CAMTA1: variants seen among roughly 807,000 people sequenced by gnomAD.
The protein encoded by CAMTA1 is calmodulin-binding transcription activator 1.
In CAMTA1, 27 loss-of-function variants were observed where a neutral mutation model predicts 170.9. The observed-to-expected ratio is 0.16, with a 90% confidence interval of 0.12 to 0.22. The LOEUF is 0.22. Ranked by LOEUF, CAMTA1 falls within the 10% of genes least tolerant of loss-of-function variation. CAMTA1 has a pLI of 1.00. For synonymous variants in CAMTA1, 833 were observed against 891.5 expected (o/e 0.93, Z 1.17); for missense variants, 1,619 against 2,217.2 (o/e 0.73, Z 5.42).
intron 3 of CAMTA1, among the ~76,000 whole-genome samples, chr1:6,886,071 G>A (rs1006398088): frequency 2.0e-5 from 3 of 152,188 alleles, no homozygotes; most frequent in Non-Finnish European, 4.4e-5. Context: ...TTGGGCAAGG[G>A]TGCTGGTCCT....
chr1:7,038,808 G>A (rs1162677283), intron 3 of CAMTA1, among the ~76,000 whole-genome samples: 2 of 152,228 alleles, frequency 1.3e-5, no homozygotes, highest in Non-Finnish European at 2.9e-5. Context: ...GGGAGGCCGA[G>A]GTGGGCAGAT....
In CAMTA1 at chr1:7,664,334, C is replaced by A. The variant is rs200089323; in HGVS notation, c.1787C>A (p.Thr596Lys). Reference sequence around the variant, plus strand: ...GCCATCGACTCCAACAAGGACTACACGTCCAGCTTCAGCCAGACGGGCCAC... The same window carrying A: ...GCCATCGACTCCAACAAGGACTACAAGTCCAGCTTCAGCCAGACGGGCCAC... The part of the protein sequence containing the change: ...FSAIDSNKDY[T>K]SSFSQTGHSP... Residue 596 changes from threonine to lysine, a missense_variant, in exon 9 of 23, where the codon ACG (threonine) becomes AAG (lysine). Around this residue, in one of 8 missense-constraint regions of CAMTA1, gnomAD observed 731 missense variants for 907.6 expected, o/e 0.81. Transcript: ENST00000303635. The A allele has an allele frequency of 3.7e-6, 6 of 1,613,536 alleles. No homozygotes were observed. The highest frequency in any genetic ancestry group is 2.2e-5 in the East Asian group (1 of 44,878).
At chr1:7,345,701 A>T (rs1292356864) in intron 5 of CAMTA1, among the ~76,000 whole-genome samples, 1 of 152,152 alleles carries the variant, frequency 6.6e-6, no homozygotes, top group Non-Finnish European at 1.5e-5. Flanking sequence ...GGCTGGGAAG[A>T]TTATGCCCCA....
intron 3 of CAMTA1, among the ~76,000 whole-genome samples, chr1:6,855,818 T>A (rs1259997684): frequency 1.3e-5 from 2 of 152,172 alleles, no homozygotes; most frequent in Admixed American, 1.3e-4. Context: ...ACAGAGCAAC[T>A]GCTGCCCCTG....
chr1:6,898,562 ACAAAC>A (rs1306302814), intron 3 of CAMTA1, among the ~76,000 whole-genome samples: 1 of 151,704 alleles, frequency 6.6e-6, no homozygotes, highest in East Asian at 1.9e-4. Context: ...CCAAAAATAA[ACAAAC>A]AAACAAAAGG....
At chr1:7,615,495 C>T (rs2095553263) in intron 6 of CAMTA1, among the ~76,000 whole-genome samples, 1 of 152,250 alleles carries the variant, frequency 6.6e-6, no homozygotes, top group African/African-American at 2.4e-5. Flanking sequence ...GGACTAAAAG[C>T]ATTCCCGGAG....
intron 3 of CAMTA1, among the ~76,000 whole-genome samples, chr1:6,899,166 T>G (rs1383464551): frequency 3.9e-5 from 6 of 152,212 alleles, no homozygotes; most frequent in Admixed American, 3.3e-4. Context: ...TGATAAATAA[T>G]CATCACTGCT....
intron 11 of CAMTA1, 150 bp downstream of exon 11, chr1:7,677,883 C>A: frequency 2.3e-6 from 2 of 880,998 alleles, no homozygotes; most frequent in Non-Finnish European, 3.4e-6. Flanking sequence ...GGGTCTCCAC[C>A]GCCAGGCTGA....
chr1:7,414,683 A>G (rs563694489), intron 5 of CAMTA1, among the ~76,000 whole-genome samples: 17 of 151,244 alleles, frequency 1.1e-4, no homozygotes, highest in African/African-American at 4.1e-4. Flanking sequence ...CGGTCTATCA[A>G]TTTTGTTGAT....
At chr1:7,126,089 A>G (rs1644915779) in intron 4 of CAMTA1, among the ~76,000 whole-genome samples, 1 of 152,138 alleles carries the variant, frequency 6.6e-6, no homozygotes, top group African/African-American at 2.4e-5. Flanking sequence ...CACGTATAAA[A>G]CCATCAGATT....
At chr1:7,187,365 C>A (rs1333454267) in intron 4 of CAMTA1, among the ~76,000 whole-genome samples, 1 of 152,092 alleles carries the variant, frequency 6.6e-6, no homozygotes, top group African/African-American at 2.4e-5. Context: ...CTTTTATGCC[C>A]AAGCTCATTT....
intron 5 of CAMTA1, among the ~76,000 whole-genome samples, chr1:7,376,465 C>T (rs1303115361): frequency 6.6e-6 from 1 of 152,178 alleles, no homozygotes; most frequent in African/African-American, 2.4e-5. Context: ...GACCCTGGCC[C>T]AATTCCCTGG....
chr1:7,649,506 G>A (rs770217768), intron 7 of CAMTA1, among the ~76,000 whole-genome samples: 38 of 152,340 alleles, frequency 2.5e-4, no homozygotes, highest in Admixed American at 7.2e-4. Context: ...AATGCCTGCA[G>A]CCCCCTTCCA....
intron 5 of CAMTA1, among the ~76,000 whole-genome samples, chr1:7,392,986 G>A (rs1055802839): frequency 1.3e-5 from 2 of 151,510 alleles, no homozygotes; most frequent in Admixed American, 6.6e-5. Context: ...TCAGGAGTTC[G>A]AGGCTGCAGT....
intron 3 of CAMTA1, among the ~76,000 whole-genome samples, chr1:6,899,552 GCGCACACACACACACACA>G (rs1200234562): frequency 1.9e-5 from 2 of 104,786 alleles, no homozygotes; most frequent in South Asian, 3.5e-4. Flanking sequence ...GCACGCGCGC[GCGCACACACACACACACA>G]CACACACACA....
intron 6 of CAMTA1, among the ~76,000 whole-genome samples, chr1:7,577,883 C>T (rs916352782): frequency 3.3e-5 from 5 of 152,194 alleles, no homozygotes; most frequent in Non-Finnish European, 5.9e-5. Context: ...GGCCTATGGA[C>T]TATAGTTTGC....
rs572322569 is a variant in CAMTA1 at position 7,053,696 on chromosome 1, C to T, written c.235-37608C>T. On this transcript the variant is annotated intron_variant, in intron 3 of 22. Coordinates refer to ENST00000303635, the MANE Select transcript of CAMTA1 (RefSeq NM_015215.4). ...TCTCGAAGCAGGGCCTTTGCCCTTGCTGGTCTTGCCTGCAATGCCCTTCCC... is the reference window on the plus strand; with the variant it reads ...TCTCGAAGCAGGGCCTTTGCCCTTGTTGGTCTTGCCTGCAATGCCCTTCCC... Among the ~76,000 whole-genome samples, 4 of 152,334 alleles carry T rather than the reference C, an allele frequency of 2.6e-5. No homozygotes were observed. The South Asian group carries it at 6.2e-4, about 24-fold the overall frequency.
At chr1:6,837,732 ACT>A (rs1448318929) in intron 3 of CAMTA1, among the ~76,000 whole-genome samples, 1 of 151,994 alleles carries the variant, frequency 6.6e-6, no homozygotes, top group Non-Finnish European at 1.5e-5. Context: ...TTTAGACTTA[ACT>A]CTGTTTTATT....
chr1:7,051,732 C>G (rs996377883), intron 3 of CAMTA1, among the ~76,000 whole-genome samples: 14 of 118,862 alleles, frequency 1.2e-4, no homozygotes, highest in African/African-American at 3.3e-4. Context: ...GACTCAGGAC[C>G]AGCCTGTGAC....
Sources: allele counts gnomAD v4.1 joint callset (sites outside exome capture counted in the v4.1 genomes callset), GRCh38; gene constraint gnomAD v4.1.1; regional missense constraint gnomAD v4.1.1; transcripts MANE v1.5; gene names NCBI Gene and HGNC (gene_info 2026-07-23, HGNC 2026-07-21).